Variants in DNER observed in about 807,000 individuals in gnomAD.
DNER encodes delta and Notch-like epidermal growth factor-related receptor.
A neutral mutation model predicts 78.2 loss-of-function variants in DNER; 33 were observed. The ratio of observed to expected loss-of-function variants is 0.42; its 90% CI spans 0.32 to 0.56. DNER has a LOEUF of 0.56. Among genes scored for constraint, DNER ranks in the 20% least tolerant of loss-of-function variants. The pLI, the probability that DNER is intolerant of heterozygous loss-of-function variation, is 0.11. For missense variants in DNER, 918 were observed against 975.3 expected (o/e 0.94, Z 0.78); for synonymous variants, 417 against 384.8 (o/e 1.08, Z -0.98).
chr2:229,701,684 A>G (rs573293856), intron 1 of DNER: 1 of 152,284 alleles, frequency 6.6e-6, no homozygotes, highest in African/African-American at 2.4e-5. Context: ...TCCCCAGGAG[A>G]ATATCTACAT....
At chr2:229,552,300 A>C (rs1696759917) in intron 4 of DNER, among the ~76,000 whole-genome samples, 1 of 152,224 alleles carries the variant, frequency 6.6e-6, no homozygotes. Flanking sequence ...ATTAACCTAC[A>C]GGCAGGTGTT....
chr2:229,371,053 C>G, intron 11 of DNER, among the ~76,000 whole-genome samples: 1 of 152,228 alleles, frequency 6.6e-6, no homozygotes, highest in Admixed American at 6.5e-5. Context: ...TTTGGAAAAA[C>G]TTTCTCAAGA....
At chr2:229,429,154 T>C (rs1421929570) in intron 8 of DNER, among the ~76,000 whole-genome samples, 2 of 152,270 alleles carry the variant, frequency 1.3e-5, no homozygotes, top group East Asian at 3.9e-4. Flanking sequence ...ATGTGAGAGT[T>C]TGAGAGACAA....
intron 10 of DNER, among the ~76,000 whole-genome samples, chr2:229,402,074 C>G (rs1428632467): frequency 6.6e-6 from 1 of 151,982 alleles, no homozygotes; most frequent in African/African-American, 2.4e-5. Context: ...AAGAAAACAT[C>G]GGATAAAATT....
intron 4 of DNER, among the ~76,000 whole-genome samples, chr2:229,548,139 A>T (rs1019761215): frequency 8.5e-5 from 13 of 152,226 alleles, no homozygotes; most frequent in Non-Finnish European, 1.8e-4. Context: ...CAAGGGGACT[A>T]CTAGGAGTCA....
intron 7 of DNER, among the ~76,000 whole-genome samples, chr2:229,453,288 G>T (rs947359998): frequency 1.3e-5 from 2 of 152,168 alleles, no homozygotes; most frequent in Admixed American, 6.5e-5. Flanking sequence ...TCAGATGGGG[G>T]GACAATGTGG....
chr2:229,652,729 G>A (rs944472726), intron 1 of DNER, among the ~76,000 whole-genome samples: 3 of 152,118 alleles, frequency 2.0e-5, no homozygotes, highest in Admixed American at 6.5e-5. Flanking sequence ...TTTCAGCCTC[G>A]TATCTTGGGT....
chr2:229,471,055 T>G (rs371882902), intron 7 of DNER, among the ~76,000 whole-genome samples: 1 of 151,060 alleles, frequency 6.6e-6, no homozygotes, highest in Non-Finnish European at 1.5e-5. Context: ...TATGAGGGTA[T>G]GTGGCATGTT....
chr2:229,668,247 G>A (rs955479646), intron 1 of DNER, among the ~76,000 whole-genome samples: 3 of 151,656 alleles, frequency 2.0e-5, no homozygotes, highest in African/African-American at 7.3e-5. Flanking sequence ...TTCACTGTGG[G>A]GTGATGTAGG....
At chr2:229,523,298 G>T (rs1214751905) in intron 5 of DNER, among the ~76,000 whole-genome samples, 1 of 152,164 alleles carries the variant, frequency 6.6e-6, no homozygotes, top group Non-Finnish European at 1.5e-5. Flanking sequence ...CGTTTGCTAG[G>T]GCTGCCGTAA....
At chr2:229,524,417 A>T (rs1343406561) in intron 5 of DNER, among the ~76,000 whole-genome samples, 1 of 152,234 alleles carries the variant, frequency 6.6e-6, no homozygotes, top group Non-Finnish European at 1.5e-5. Flanking sequence ...AAGCTCTAAA[A>T]TGACACAACT....
intron 1 of DNER, among the ~76,000 whole-genome samples, chr2:229,688,138 A>G (rs936088212): frequency 1.3e-5 from 2 of 152,222 alleles, no homozygotes; most frequent in African/African-American, 2.4e-5. Context: ...AGCTCCTCCC[A>G]TGACAGGATA....
At chr2:229,458,135 CAA>C (rs61340733) in intron 7 of DNER, among the ~76,000 whole-genome samples, 280 of 17,668 alleles carry the variant, frequency 0.016, no homozygotes, top group African/African-American at 0.056. Context: ...GACTCTATCT[CAA>C]AAAAAAAAAA....
At chr2:229,541,162 T>G (rs915056412) in intron 5 of DNER, among the ~76,000 whole-genome samples, 1 of 152,156 alleles carries the variant, frequency 6.6e-6, no homozygotes, top group Non-Finnish European at 1.5e-5. Flanking sequence ...GTTTTCAGAA[T>G]TGTTGTCCAC....
At chr2:229,571,222 G>A (rs1402649940) in intron 4 of DNER, among the ~76,000 whole-genome samples, 1 of 152,088 alleles carries the variant, frequency 6.6e-6, no homozygotes, top group African/African-American at 2.4e-5. Context: ...GTAAAGTTAA[G>A]GATGATGCCC....
intron 4 of DNER, among the ~76,000 whole-genome samples, chr2:229,549,127 A>T (rs964404645): frequency 6.6e-6 from 1 of 152,192 alleles, no homozygotes; most frequent in Non-Finnish European, 1.5e-5. Flanking sequence ...AAAGTATACC[A>T]AGATGCATGG....
rs2154215223 is a variant in DNER, at chr2:229,612,452, C to A, written c.277-20564G>T. Among the ~76,000 whole-genome samples, 3 of 152,332 alleles carry A rather than the reference C, an allele frequency of 2.0e-5. No individual in the cohort carries two copies. The Middle Eastern group carries it at 0.01, about 518-fold the overall frequency. ...AGGCATCTGGTAGAGCCAGCCACAG[C>A]CAGTAAAGATGCCTCAGGTGAGGGA... On this transcript the variant is annotated intron_variant, in intron 1 of 12. Transcript: ENST00000341772.
chr2:229,635,360 GGA>G lies in DNER; in HGVS notation c.277-43474_277-43473del, dbSNP rs1491379741. Among the ~76,000 whole-genome samples, 203 of 24,210 alleles carry G rather than the reference GGA, an allele frequency of 8.4e-3. 1 individual carries two copies. The highest frequency in any genetic ancestry group is 0.027 in the African/African-American group (194 of 7,254). The allele number at this position is 24,210 out of a possible 152,430, so 15.9% of individuals were successfully genotyped here. ...TCTATGGATGCACTAAGGTCCCACA[GGA>G]AAAAAAAAAAAAAAAAAAAAAAACT... On this transcript the variant is annotated intron_variant, in intron 1 of 12. Transcript: ENST00000341772.
At chr2:229,590,318 T>C (rs1441832255) in intron 2 of DNER, among the ~76,000 whole-genome samples, 1 of 152,218 alleles carries the variant, frequency 6.6e-6, no homozygotes, top group Non-Finnish European at 1.5e-5. Context: ...ACAAATAGAA[T>C]TTGCTGCTGC....
Sources: gnomAD v4.1 joint callset for allele counts (sites outside exome capture counted in the v4.1 genomes callset) on GRCh38, gnomAD v4.1.1 for gene constraint, MANE v1.5 for transcripts, NCBI Gene and HGNC (gene_info 2026-07-23, HGNC 2026-07-21) for gene names.